DNPEP: variants seen among roughly 807,000 people sequenced by gnomAD.
The protein encoded by DNPEP is aspartyl aminopeptidase.
Under a neutral mutation model 59.1 loss-of-function variants are expected in DNPEP, and 46 were observed. That is an observed-to-expected ratio of 0.78 (90% CI 0.61 to 0.99). DNPEP has a LOEUF of 0.99. Among genes scored for constraint, DNPEP ranks in the 50% least tolerant of loss-of-function variants. DNPEP has a pLI of 0.00. For synonymous variants in DNPEP, 229 were observed against 242.2 expected (o/e 0.95, Z 0.50); for missense variants, 617 against 649.9 (o/e 0.95, Z 0.55).
At chr2:219,384,565 A>T in intron 8 of DNPEP, 122 bp from the exon 9 acceptor site, 1 of 659,320 alleles carries the variant, frequency 1.5e-6, no homozygotes, top group Non-Finnish European at 2.4e-6. Context: ...TTAGGGCACT[A>T]TTTTGTTTTT....
chr2:219,387,512 G>A, intron 1 of DNPEP: 3 of 1,438,394 alleles, frequency 2.1e-6, no homozygotes, highest in Non-Finnish European at 2.7e-6. Flanking sequence ...TCACGTGCGC[G>A]TACCCAGCCC....
chr2:219,392,979 T>A (rs553957843), upstream of DNPEP, among the ~76,000 whole-genome samples: 121 of 152,278 alleles, frequency 7.9e-4, 1 homozygote, highest in Non-Finnish European at 1.4e-3. Flanking sequence ...CAACCCTGAC[T>A]GCAACCAGCT....
At chr2:219,376,288 G>A (rs1192531412) in intron 13 of DNPEP, among the ~76,000 whole-genome samples, 1 of 152,068 alleles carries the variant, frequency 6.6e-6, no homozygotes, top group African/African-American at 2.4e-5. Context: ...AGGAGTTCAA[G>A]ACCAGCCTGG....
chr2:219,385,275 G>C (rs2125139334), intron 8 of DNPEP, 149 bp downstream of exon 8: 1 of 600,452 alleles, frequency 1.7e-6, no homozygotes, highest in South Asian at 2.2e-5. Context: ...CACCGCCCTA[G>C]AAGCAGTGGG....
Position 219,384,355 on chromosome 2 carries a change from C to G in DNPEP, c.852+11G>C, listed in dbSNP as rs774570513. 5.6e-6 allele frequency: 9 copies of G among 1,603,888 alleles called. No homozygotes were observed. Among genetic ancestry groups the G allele is most frequent in the African/African-American group, 1.3e-5 (1 of 74,578 alleles). On this transcript the variant is annotated intron_variant, in intron 9 of 14. Coordinates refer to ENST00000273075, the MANE Select transcript of DNPEP (RefSeq NM_012100.4). ...TGGTTATGTGCTGCCTGGGGCGCCC[C>G]GGCTCCTCACCTGCAGGGCACAGAA...
chr2:219,376,041 G>A (rs1182041808), intron 13 of DNPEP, among the ~76,000 whole-genome samples: 1 of 152,060 alleles, frequency 6.6e-6, no homozygotes, highest in East Asian at 1.9e-4. Flanking sequence ...TTTTTGTTGT[G>A]CCAAAAAGCA....
chr2:219,374,807 A>G, intron 14 of DNPEP, 48 bp downstream of exon 14: 1 of 1,589,688 alleles, frequency 6.3e-7, no homozygotes, highest in South Asian at 1.1e-5. Context: ...TCCAGGCACT[A>G]GAGGGGAAGC....
At chr2:219,390,562 A>G (rs1343237799), upstream of DNPEP, among the ~76,000 whole-genome samples, 4 of 152,272 alleles carry the variant, frequency 2.6e-5, no homozygotes, top group African/African-American at 7.2e-5. Context: ...TGCAAGTTAA[A>G]AATGAGATAA....
chr2:219,387,534 C>T (rs1953901498), intron 1 of DNPEP: 19 of 1,451,612 alleles, frequency 1.3e-5, no homozygotes, highest in Middle Eastern at 4.1e-4. Context: ...GAGCCAAAGC[C>T]CTGTACCCCA....
chr2:219,387,702 G>C, intron 1 of DNPEP, 57 bp downstream of exon 1: 1 of 1,604,990 alleles, frequency 6.2e-7, no homozygotes, highest in Non-Finnish European at 8.5e-7. Flanking sequence ...GGGCCCCGGA[G>C]GGCGCCGGAC....
intron 8 of DNPEP, 107 bp from the exon 9 acceptor site, chr2:219,384,550 C>T (rs1310938241): frequency 4.7e-6 from 4 of 843,796 alleles, no homozygotes; most frequent in Non-Finnish European, 7.5e-6. Flanking sequence ...TCCCTGACCC[C>T]TGGCTTAGGG....
At position 219,387,838 on chromosome 2, in the gene DNPEP, G is replaced by T; in HGVS notation, c.-44C>A. 9.7e-7 allele frequency: 1 copy of T among 1,028,158 alleles called. No homozygotes were observed. Among genetic ancestry groups the T allele is most frequent in the Non-Finnish European group, 1.3e-6 (1 of 780,924 alleles). The allele number at this position is 1,028,158 out of a possible 1,614,324, so 63.7% of individuals were successfully genotyped here. A position where few individuals can be genotyped will look rare whatever the true frequency, so the allele number is the denominator to read the frequency against. ...CCGCCCCCACCGCGCCGCCTGCCCC[G>T]CCCCTCACTAGCTTTGCAGGTCCCC... On this transcript the variant is annotated 5_prime_UTR_variant, in exon 1 of 15. Transcript: ENST00000273075.
chr2:219,374,432 C>A, intron 14 of DNPEP, 90 bp from the exon 15 acceptor site: 1 of 1,224,164 alleles, frequency 8.2e-7, no homozygotes. Context: ...TATGTTCCAG[C>A]AAGAGAAGCA....
At chr2:219,380,050 A>G (rs924271729) in intron 13 of DNPEP, among the ~76,000 whole-genome samples, 3 of 152,186 alleles carry the variant, frequency 2.0e-5, no homozygotes, top group African/African-American at 4.8e-5. Context: ...AGTCTGCAAT[A>G]GTGTACAGTA....
At position 219,373,267 on chromosome 2, in the gene DNPEP, C is replaced by T. The variant is rs372608595; in HGVS notation, c.*1025G>A. ...ATTTTTAGCAGGGACAGGGTTTCTC[C>T]ATGTTGGTCAGGCTGGTCTTGAACT... is the stretch of plus-strand genomic sequence containing the variant. On this transcript the variant is annotated 3_prime_UTR_variant, in exon 15 of 15. Transcript: ENST00000273075. Among the ~76,000 whole-genome samples, 1 of 151,798 alleles carries T rather than the reference C, an allele frequency of 6.6e-6. No individual in the cohort carries two copies. The highest frequency in any genetic ancestry group is 1.5e-5 in the Non-Finnish European group (1 of 67,996).
At chr2:219,387,964 G>A, upstream of DNPEP, 1 of 685,476 alleles carries the variant, frequency 1.5e-6, no homozygotes. Flanking sequence ...ACCTCTCCCC[G>A]CCCCTCGGCA....
rs766524271 is a variant in DNPEP, at chr2:219,385,968, A to C, written c.590T>G (p.Leu197Arg). Reference protein sequence around the residue: ...ENFGPNTEMHLVPILATAIQE... With the variant: ...ENFGPNTEMHRVPILATAIQE... ...CACCGCAGCCCTGCCCCAGTCTCAC[A>C]GATGCATCTCTGTGTTGGGCCCAAA... Residue 197 changes from leucine (L) to arginine (R), a missense_variant and splice_region_variant, in exon 6 of 15, where the codon CTA becomes CGA. Coordinates refer to ENST00000273075, the MANE Select transcript of DNPEP (RefSeq NM_012100.4). 4 of 1,613,824 alleles carry C rather than the reference A, an allele frequency of 2.5e-6. No homozygotes were observed. The highest frequency in any genetic ancestry group is 3.4e-6 in the Non-Finnish European group (4 of 1,179,820).
chr2:219,381,109 CTG>C (rs1953577147), intron 13 of DNPEP, among the ~76,000 whole-genome samples: 1 of 152,212 alleles, frequency 6.6e-6, no homozygotes, highest in Non-Finnish European at 1.5e-5. Flanking sequence ...GATGTGGAAA[CTG>C]AGACTCAGAA....
intron 4 of DNPEP, 34 bp from the exon 5 acceptor site, chr2:219,386,445 T>C (rs772101249): frequency 1.2e-6 from 2 of 1,613,676 alleles, no homozygotes; most frequent in Non-Finnish European, 1.7e-6. Flanking sequence ...AGAGAAGGCT[T>C]CATGACGATA....
Sources: allele counts gnomAD v4.1 joint callset (sites outside exome capture counted in the v4.1 genomes callset), GRCh38; gene constraint gnomAD v4.1.1; transcripts MANE v1.5; gene names NCBI Gene and HGNC (gene_info 2026-07-23, HGNC 2026-07-21).